Variants in ARSB observed in about 807,000 individuals in gnomAD.
The protein encoded by ARSB is arylsulfatase B, also known as N-acetylgalactosamine-4-sulfatase.
ARSB carries 41 observed loss-of-function variants against 50.9 expected under a neutral mutation model. That is an observed-to-expected ratio of 0.81 (90% CI 0.63 to 1.04). The LOEUF is 1.04. Among genes scored for constraint, ARSB ranks in the 50% least tolerant of loss-of-function variants. The pLI is 0.00. For synonymous variants in ARSB, 269 were observed against 284.8 expected, an observed-to-expected ratio of 0.94 and a Z score of 0.56; for missense variants, 672 against 693.3, an observed-to-expected ratio of 0.97 and a Z score of 0.35.
chr5:78,980,877 T>A (rs1165437092), intron 1 of ARSB, among the ~76,000 whole-genome samples: 1 of 152,090 alleles, frequency 6.6e-6, no homozygotes, highest in Non-Finnish European at 1.5e-5. Flanking sequence ...AATGAATGAA[T>A]GAGTCATAGG....
At chr5:78,972,532 C>CA (rs975798285) in intron 1 of ARSB, among the ~76,000 whole-genome samples, 1 of 151,694 alleles carries the variant, frequency 6.6e-6, no homozygotes, top group African/African-American at 2.4e-5. Flanking sequence ...CACACACACA[C>CA]ACACACACAC....
intron 4 of ARSB, among the ~76,000 whole-genome samples, chr5:78,899,858 CCT>C (rs1748722211): frequency 6.6e-6 from 1 of 152,042 alleles, no homozygotes; most frequent in African/African-American, 2.4e-5. Flanking sequence ...ACTGTGGTTC[CCT>C]GTTTGCTGTT....
chr5:78,802,135 G>A (rs1266147821), intron 6 of ARSB, among the ~76,000 whole-genome samples: 3 of 151,516 alleles, frequency 2.0e-5, no homozygotes, highest in African/African-American at 4.9e-5. Context: ...TCCTCTACCT[G>A]GAGCACTTTC....
chr5:78,871,402 C>G (rs897831428), intron 5 of ARSB, among the ~76,000 whole-genome samples: 1 of 151,396 alleles, frequency 6.6e-6, no homozygotes, highest in Admixed American at 6.6e-5. Flanking sequence ...ATCACACTAC[C>G]TGACTTCAAA....
chr5:78,975,457 T>A (rs1289225042), intron 1 of ARSB, among the ~76,000 whole-genome samples: 2 of 152,198 alleles, frequency 1.3e-5, no homozygotes, highest in African/African-American at 4.8e-5. Flanking sequence ...CATTTATCAG[T>A]GTGATTAAGA....
At chr5:78,881,354 A>C (rs1440334119) in intron 5 of ARSB, among the ~76,000 whole-genome samples, 2 of 152,204 alleles carry the variant, frequency 1.3e-5, no homozygotes, top group African/African-American at 4.8e-5. Context: ...AAGCAAGAGA[A>C]AAACATTTCA....
At chr5:78,789,567 A>G (rs1749181422) in intron 6 of ARSB, among the ~76,000 whole-genome samples, 1 of 152,224 alleles carries the variant, frequency 6.6e-6, no homozygotes, top group African/African-American at 2.4e-5. Context: ...GTGATATGGT[A>G]TTGAGTCTAC....
intron 4 of ARSB, among the ~76,000 whole-genome samples, chr5:78,896,091 A>G (rs545266075): frequency 6.6e-6 from 1 of 152,186 alleles, no homozygotes; most frequent in East Asian, 1.9e-4. Context: ...TGGTTGCACA[A>G]GGTGATGGAA....
At chr5:78,784,944 G>A (rs1477633625) in intron 6 of ARSB, among the ~76,000 whole-genome samples, 2 of 151,864 alleles carry the variant, frequency 1.3e-5, no homozygotes, top group Admixed American at 6.6e-5. Context: ...GATTACAGGT[G>A]CATGCCACCA....
At chr5:78,858,490 TATAA>T (rs1746265832) in intron 5 of ARSB, among the ~76,000 whole-genome samples, 1 of 152,184 alleles carries the variant, frequency 6.6e-6, no homozygotes, top group Non-Finnish European at 1.5e-5. Flanking sequence ...ACTGTCCATT[TATAA>T]ATAGTTTCCA....
intron 4 of ARSB, among the ~76,000 whole-genome samples, chr5:78,926,968 A>T (rs1750083122): frequency 1.3e-5 from 2 of 152,080 alleles, no homozygotes; most frequent in Non-Finnish European, 2.9e-5. Context: ...TGCAGCCTTG[A>T]CCTCCCTGGC....
rs142847274 is a variant in ARSB at position 78,904,092 on chromosome 5, A to AGT, written c.899-18267_899-18266dup. ...CCAGAATGTCATATAAAAAAATCATAGTGTGTGTAATCTTTTCAGTCTGGC... is the reference window on the plus strand; with the variant it reads ...CCAGAATGTCATATAAAAAAATCATAGTGTGTGTGTAATCTTTTCAGTCTGGC... On this transcript the variant is annotated intron_variant, in intron 4 of 7. Coordinates refer to ENST00000264914, the MANE Select transcript of ARSB (RefSeq NM_000046.5). 8.5e-3 allele frequency among the ~76,000 whole-genome samples: 1,292 copies of AGT among 152,300 alleles called. 21 individuals carry two copies. Among genetic ancestry groups the AGT allele is most frequent in the African/African-American group, 0.03 (1,249 of 41,558 alleles).
intron 6 of ARSB, among the ~76,000 whole-genome samples, chr5:78,830,960 G>A (rs774192275): frequency 9.9e-5 from 15 of 152,256 alleles, no homozygotes; most frequent in Admixed American, 1.3e-4. Context: ...CATGCTTACC[G>A]GAACCCTCCT....
chr5:78,832,659 A>G (rs1744744089), intron 6 of ARSB, among the ~76,000 whole-genome samples: 1 of 152,098 alleles, frequency 6.6e-6, no homozygotes. Context: ...TGTGTGAGAG[A>G]GGAGAGGGTG....
intron 6 of ARSB, among the ~76,000 whole-genome samples, chr5:78,800,400 C>T (rs984820116): frequency 2.0e-4 from 30 of 151,762 alleles, no homozygotes; most frequent in Non-Finnish European, 3.8e-4. Flanking sequence ...CTCACAGACT[C>T]CCCTCTCCAC....
intron 4 of ARSB, among the ~76,000 whole-genome samples, chr5:78,892,384 T>G (rs1748351353): frequency 6.6e-6 from 1 of 151,406 alleles, no homozygotes; most frequent in African/African-American, 2.4e-5. Context: ...ACTTCCTGAG[T>G]AGCTGGGTCT....
At chr5:78,905,034 C>T (rs1190041156) in intron 4 of ARSB, among the ~76,000 whole-genome samples, 1 of 152,154 alleles carries the variant, frequency 6.6e-6, no homozygotes, top group Non-Finnish European at 1.5e-5. Context: ...TTCACCGACT[C>T]TTCTTTATCA....
chr5:78,926,397 T>C (rs1266206462), intron 4 of ARSB, among the ~76,000 whole-genome samples: 1 of 151,964 alleles, frequency 6.6e-6, no homozygotes, highest in Non-Finnish European at 1.5e-5. Context: ...ACATGCTGAG[T>C]CCCCACTGGA....
At chr5:78,965,341 A>G (rs930573984) in intron 2 of ARSB, among the ~76,000 whole-genome samples, 1 of 152,098 alleles carries the variant, frequency 6.6e-6, no homozygotes, top group African/African-American at 2.4e-5. Flanking sequence ...TTAAAATATT[A>G]TATTTCTATA....
Sources: gnomAD v4.1 joint callset for allele counts (sites outside exome capture counted in the v4.1 genomes callset) on GRCh38, gnomAD v4.1.1 for gene constraint, MANE v1.5 for transcripts, NCBI Gene and HGNC (gene_info 2026-07-23, HGNC 2026-07-21) for gene names.